ZFYVE1: variants seen among roughly 807,000 people sequenced by gnomAD.
The protein encoded by ZFYVE1 is zinc finger FYVE-type containing 1.
In ZFYVE1, 30 loss-of-function variants were observed where a neutral mutation model predicts 74.4. The ratio of observed to expected loss-of-function variants is 0.40; its 90% CI spans 0.30 to 0.55. The LOEUF is 0.55. ZFYVE1 is among the 20% of genes least tolerant of loss of function. The pLI, the probability that ZFYVE1 is intolerant of heterozygous loss-of-function variation, is 0.42. For synonymous variants in ZFYVE1, 335 were observed against 385.1 expected, an observed-to-expected ratio of 0.87 and a Z score of 1.52; for missense variants, 703 against 1,011.6, an observed-to-expected ratio of 0.69 and a Z score of 4.14.
intron 4 of ZFYVE1, among the ~76,000 whole-genome samples, chr14:72,983,840 C>T (rs550161136): frequency 1.1e-3 from 175 of 152,298 alleles, no homozygotes; most frequent in African/African-American, 4.1e-3. Context: ...TCCACATCCT[C>T]TCCAGTATCT....
chr14:73,017,150 T>G (rs933680328), intron 2 of ZFYVE1, among the ~76,000 whole-genome samples: 1 of 152,098 alleles, frequency 6.6e-6, no homozygotes, highest in Non-Finnish European at 1.5e-5. Context: ...AAGGAAAAAC[T>G]GATGTTTGGT....
At chr14:73,013,860 A>C (rs944960134) in intron 2 of ZFYVE1, among the ~76,000 whole-genome samples, 1 of 152,182 alleles carries the variant, frequency 6.6e-6, no homozygotes, top group African/African-American at 2.4e-5. Context: ...TGATCTCATG[A>C]GAGCTCCTCC....
intron 2 of ZFYVE1, among the ~76,000 whole-genome samples, chr14:73,019,882 C>T (rs1199847061): frequency 2.0e-5 from 3 of 149,514 alleles, no homozygotes; most frequent in Non-Finnish European, 4.5e-5. Context: ...ACCCAGGAGA[C>T]GGAGGTTGCA....
chr14:73,023,294 TAA>T (rs1491528555), intron 2 of ZFYVE1, among the ~76,000 whole-genome samples: 1 of 121,178 alleles, frequency 8.3e-6, no homozygotes, highest in East Asian at 2.0e-4. Flanking sequence ...GTTTTATATA[TAA>T]TATATATTAT....
intron 2 of ZFYVE1, among the ~76,000 whole-genome samples, chr14:73,001,898 AC>A (rs1204425848): frequency 2.0e-5 from 3 of 152,102 alleles, no homozygotes; most frequent in Non-Finnish European, 4.4e-5. Context: ...CAGTGAGCTG[AC>A]ATCACACCAT....
chr14:73,015,720 T>C (rs1894189352), intron 2 of ZFYVE1, among the ~76,000 whole-genome samples: 2 of 152,062 alleles, frequency 1.3e-5, no homozygotes. Context: ...TAGAATAACA[T>C]CTCTTTTAGT....
rs751640145 is a variant in ZFYVE1 at position 73,024,254 on chromosome 14, C to T, written c.255G>A (p.Arg85=). The T allele has an allele frequency of 6.2e-7, 1 of 1,614,168 alleles. No individual in the cohort carries two copies. The highest frequency in any genetic ancestry group is 1.7e-5 in the Admixed American group (1 of 60,024). Reference sequence around the variant, plus strand: ...TCTGGCACCTCACTATTGCCCTCTGCCTAACACCTGGTAAATGCCCACTGA... The same window carrying T: ...TCTGGCACCTCACTATTGCCCTCTGTCTAACACCTGGTAAATGCCCACTGA... ...KGLSGHLPGV[R]QRAIVRCQTC... is the part of the protein sequence containing the mutation. Residue 85 remains arginine, a synonymous_variant, in exon 2 of 12, where the codon AGG becomes AGA. Transcript: ENST00000556143.
chr14:72,978,784 G>A, intron 6 of ZFYVE1, 77 bp downstream of exon 6: 1 of 1,184,112 alleles, frequency 8.4e-7, no homozygotes, highest in South Asian at 1.2e-5. Flanking sequence ...GCAAAAAATG[G>A]CCCCAAGATA....
At chr14:72,974,694 G>C in intron 10 of ZFYVE1, 85 bp downstream of exon 10, 1 of 1,480,854 alleles carries the variant, frequency 6.8e-7, no homozygotes, top group Non-Finnish European at 9.1e-7. Context: ...GTGGATTAGG[G>C]CATCTGGATA....
At chr14:73,023,443 T>A (rs200145127) in intron 2 of ZFYVE1, among the ~76,000 whole-genome samples, 4 of 132,360 alleles carry the variant, frequency 3.0e-5, no homozygotes, top group Non-Finnish European at 4.8e-5. Context: ...ATATATATAT[T>A]TTATATATGT....
Position 72,970,610 on chromosome 14 carries a change from T to C in ZFYVE1, c.*272A>G. The C allele has an allele frequency of 4.0e-6, 2 of 502,502 alleles. No individual in the cohort carries two copies. The highest frequency in any genetic ancestry group is 7.2e-6 in the Non-Finnish European group (2 of 277,966). The allele number at this position is 502,502 out of a possible 1,614,324, so 31.1% of individuals were successfully genotyped here. On this transcript the variant is annotated 3_prime_UTR_variant, in exon 12 of 12. Coordinates refer to ENST00000556143, the MANE Select transcript of ZFYVE1 (RefSeq NM_021260.4). ...CATATGTATATATGAGAGAGAGATA[T>C]ACACATATATATTCATTATTTTTAA...
In ZFYVE1 at chr14:72,975,289, A is replaced by C; in HGVS notation, c.1806+262T>G. 3.7e-6 allele frequency: 2 copies of C among 541,242 alleles called. No individual in the cohort carries two copies. Among genetic ancestry groups the C allele is most frequent in the Middle Eastern group, 4.9e-4 (1 of 2,034 alleles). The allele number at this position is 541,242 out of a possible 1,614,324, so 33.5% of individuals were successfully genotyped here. A position where few individuals can be genotyped will look rare whatever the true frequency, so the allele number is the denominator to read the frequency against. On this transcript the variant is annotated intron_variant, in intron 9 of 11. Transcript: ENST00000556143. The surrounding 1 kb of genome is among the most constrained non-coding windows in gnomAD (Gnocchi z 4.1). ...TCTTATCTGGGTCCTCACATATCTA[A>C]GCAATATTCACTGGTCGTCACACAC...
At position 72,970,815 on chromosome 14, in the gene ZFYVE1, C is replaced by A; in HGVS notation, c.*67G>T. The stretch of plus-strand genomic sequence containing the variant: ...AGCAGGTGACTGGGAGGAGGGCCTA[C>A]CTCGCAAGACTGTTTCTAACCCTGA... On this transcript the variant is annotated 3_prime_UTR_variant, in exon 12 of 12. Transcript: ENST00000556143. 6.5e-7 allele frequency: 1 copy of A among 1,532,766 alleles called. No individual in the cohort carries two copies. 94.9% of individuals were successfully genotyped at this position (1,532,766 alleles called of 1,614,324 possible). A position where few individuals can be genotyped will look rare whatever the true frequency, so the allele number is the denominator to read the frequency against.
rs1567366800 is a variant in ZFYVE1 at position 73,023,303 on chromosome 14, T to TTATATATGTTTTATATATAA, written c.483+703_483+722dup. On this transcript the variant is annotated intron_variant, in intron 2 of 11. Transcript: ENST00000556143. ...ATATATGTTTTATATATAATATATA[T>TTATATATGTTTTATATATAA]TATATATGTTTTATATATAATATAT... Among the ~76,000 whole-genome samples, 46 of 103,818 alleles carry TTATATATGTTTTATATATAA rather than the reference T, an allele frequency of 4.4e-4. 1 individual carries two copies. Among genetic ancestry groups the TTATATATGTTTTATATATAA allele is most frequent in the East Asian group, 2.7e-3 (11 of 4,044 alleles). 68.1% of individuals were successfully genotyped at this position (103,818 alleles called of 152,430 possible). A position where few individuals can be genotyped will look rare whatever the true frequency, so the allele number is the denominator to read the frequency against.
chr14:73,002,944 G>A (rs1227133631), intron 2 of ZFYVE1, among the ~76,000 whole-genome samples: 4 of 150,652 alleles, frequency 2.7e-5, no homozygotes, highest in East Asian at 2.0e-4. Context: ...GGGTTTCAGC[G>A]TGTTAGCCAG....
chr14:72,975,587 G>A lies in ZFYVE1; in HGVS notation c.1770C>T (p.Ile590=), dbSNP rs1312190283. The A allele has an allele frequency of 5.0e-6, 8 of 1,614,028 alleles. No homozygotes were observed. Among genetic ancestry groups the A allele is most frequent in the East Asian group, 2.2e-5 (1 of 44,860 alleles). The change falls in exon 9 of 12, where the codon ATC becomes ATT. Residue 590 remains isoleucine, a synonymous_variant. Coordinates refer to ENST00000556143, the MANE Select transcript of ZFYVE1 (RefSeq NM_021260.4). This position sits in a 1 kb window ranked among gnomAD's most constrained non-coding sequence, Gnocchi z 4.1. ...KAVTSWLTDQ[I]APAYWRPNSQ... ...AGTTGGGCCTCCAGTAGGCAGGGGC[G>A]ATCTGGTCTGTCAGCCAGGAAGTCA... is the stretch of plus-strand genomic sequence containing the variant.
chr14:72,986,387 A>C (rs576031554), intron 4 of ZFYVE1, among the ~76,000 whole-genome samples: 29 of 152,192 alleles, frequency 1.9e-4, no homozygotes, highest in Middle Eastern at 3.4e-3. Flanking sequence ...ACTCGTTCAC[A>C]AGTCACAGCC....
At chr14:72,989,041 C>T (rs1893550689) in intron 4 of ZFYVE1, among the ~76,000 whole-genome samples, 1 of 150,754 alleles carries the variant, frequency 6.6e-6, no homozygotes, top group Admixed American at 6.6e-5. Context: ...AGCCATTCTG[C>T]CTCAGCATCC....
chr14:73,008,913 T>A (rs765848734), intron 2 of ZFYVE1, among the ~76,000 whole-genome samples: 13 of 152,158 alleles, frequency 8.5e-5, no homozygotes, highest in Non-Finnish European at 1.5e-4. Context: ...GGCAACTGAC[T>A]CAACCCTTCT....
Sources: allele counts gnomAD v4.1 joint callset (sites outside exome capture counted in the v4.1 genomes callset), GRCh38; gene constraint gnomAD v4.1.1; non-coding constraint Gnocchi (gnomAD v3.1); transcripts MANE v1.5; gene names NCBI Gene and HGNC (gene_info 2026-07-23, HGNC 2026-07-21).